STPG2: variants seen among roughly 807,000 people sequenced by gnomAD.
STPG2 encodes the protein sperm-tail PG-rich repeat-containing protein 2.
Under a neutral mutation model 54.2 loss-of-function variants are expected in STPG2, and 56 were observed. The observed-to-expected ratio is 1.03, with a 90% confidence interval of 0.83 to 1.29. STPG2 has a LOEUF of 1.29. STPG2 is among the 50% of genes most tolerant of loss of function. The probability of loss-of-function intolerance (pLI) is 0.00; values close to 1 mark genes in which losing one functional copy is unlikely to be tolerated. For missense variants in STPG2, 596 were observed against 544.9 expected, an observed-to-expected ratio of 1.09 and a Z score of -0.93; for synonymous variants, 200 against 181.8, an observed-to-expected ratio of 1.10 and a Z score of -0.81.
intron 8 of STPG2, among the ~76,000 whole-genome samples, chr4:97,874,135 A>G (rs1446533871): frequency 5.3e-5 from 8 of 151,802 alleles, no homozygotes; most frequent in East Asian, 1.9e-4. Context: ...AATTTTATCA[A>G]TCAAAATAAA....
chr4:97,756,062 TTCTC>T (rs930592409), intron 9 of STPG2, among the ~76,000 whole-genome samples: 168 of 151,846 alleles, frequency 1.1e-3, no homozygotes, highest in Non-Finnish European at 5.3e-4. Context: ...CCCTCCCTTC[TTCTC>T]TCTCTCTCTT....
chr4:98,132,856 C>A (rs1290271710), intron 2 of STPG2, among the ~76,000 whole-genome samples: 3 of 148,228 alleles, frequency 2.0e-5, no homozygotes, highest in Non-Finnish European at 4.5e-5. Flanking sequence ...TGCAAGAAAA[C>A]TGTTTTTAAA....
In STPG2 at chr4:97,616,047, AATACATAT is replaced by A. The variant is rs1217848642; in HGVS notation, c.1321-56938_1321-56931del. Among the ~76,000 whole-genome samples, 64 of 61,748 alleles carry A rather than the reference AATACATAT, an allele frequency of 1.0e-3. 1 individual carries two copies. The highest frequency in any genetic ancestry group is 3.9e-3 in the African/African-American group (58 of 14,974). The allele number at this position is 61,748 out of a possible 152,430, so 40.5% of individuals were successfully genotyped here. On this transcript the variant is annotated intron_variant, in intron 10 of 10. Transcript: ENST00000295268. ...GCAAGACTCTGTCTCAAAAAAAAAAAATACATATAAATATATATATATATATATATATA... is the reference window on the plus strand; with the variant it reads ...GCAAGACTCTGTCTCAAAAAAAAAAAAAATATATATATATATATATATATA...
chr4:97,879,897 T>C (rs1730309142), intron 8 of STPG2, among the ~76,000 whole-genome samples: 1 of 152,186 alleles, frequency 6.6e-6, no homozygotes, highest in African/African-American at 2.4e-5. Flanking sequence ...TTGAGGTTCC[T>C]CAAAACACTA....
At chr4:97,742,211 T>C (rs1267141090) in intron 9 of STPG2, among the ~76,000 whole-genome samples, 1 of 151,334 alleles carries the variant, frequency 6.6e-6, no homozygotes, top group African/African-American at 2.4e-5. Context: ...CTGGGGACTG[T>C]TGTGGGGTTG....
chr4:97,515,849 TAC>T (rs1046855033), intron 4 of STPG2, among the ~76,000 whole-genome samples: 23 of 152,102 alleles, frequency 1.5e-4, no homozygotes, highest in African/African-American at 5.1e-4. Context: ...TGTATATATG[TAC>T]ACACACACAG....
At chr4:97,601,523 T>G (rs1301405184) in intron 10 of STPG2, among the ~76,000 whole-genome samples, 1 of 151,978 alleles carries the variant, frequency 6.6e-6, no homozygotes, top group African/African-American at 2.4e-5. Flanking sequence ...GTGGTATAAC[T>G]CTCAAAGTCC....
chr4:97,787,020 T>A (rs1726848508), intron 9 of STPG2, among the ~76,000 whole-genome samples: 1 of 152,152 alleles, frequency 6.6e-6, no homozygotes, highest in Non-Finnish European at 1.5e-5. Context: ...CGTATCTTCC[T>A]GGATTAGAGG....
chr4:97,970,773 C>A (rs1201893164), intron 7 of STPG2, among the ~76,000 whole-genome samples: 1 of 152,154 alleles, frequency 6.6e-6, no homozygotes, highest in Non-Finnish European at 1.5e-5. Context: ...GTCTAAAACA[C>A]CAAAAGCAAT....
chr4:97,967,323 A>C (rs1734141468), intron 7 of STPG2, among the ~76,000 whole-genome samples: 2 of 152,152 alleles, frequency 1.3e-5, no homozygotes, highest in Non-Finnish European at 2.9e-5. Flanking sequence ...AACTACCCTA[A>C]ATATATATGC....
At chr4:98,045,084 C>T (rs1442584550) in intron 5 of STPG2, among the ~76,000 whole-genome samples, 1 of 149,004 alleles carries the variant, frequency 6.7e-6, no homozygotes, top group Non-Finnish European at 1.5e-5. Flanking sequence ...CACCTTCCTA[C>T]AGAGATGACT....
At chr4:97,601,905 T>A (rs1282522222) in intron 10 of STPG2, among the ~76,000 whole-genome samples, 2 of 151,936 alleles carry the variant, frequency 1.3e-5, no homozygotes, top group African/African-American at 4.8e-5. Context: ...ATCTTCCTAC[T>A]CATGAACATG....
At chr4:97,872,558 A>G (rs924446169) in intron 8 of STPG2, among the ~76,000 whole-genome samples, 1 of 151,354 alleles carries the variant, frequency 6.6e-6, no homozygotes, top group African/African-American at 2.4e-5. Context: ...AAGAATAAGT[A>G]TTCAAAAAAA....
intron 5 of STPG2, among the ~76,000 whole-genome samples, chr4:98,102,457 A>G (rs775772029): frequency 6.6e-6 from 1 of 152,170 alleles, no homozygotes; most frequent in South Asian, 2.1e-4. Flanking sequence ...GCCCCTTTAC[A>G]GAAAAAGCTT....
In STPG2 at chr4:97,972,582, G is replaced by A. The variant is rs957155669; in HGVS notation, c.773-142C>T. 1.9e-4 allele frequency: 92 copies of A among 488,928 alleles called. 1 individual carries two copies. Among genetic ancestry groups the A allele is most frequent in the Non-Finnish European group, 2.7e-4 (80 of 293,498 alleles). 30.3% of individuals were successfully genotyped at this position (488,928 alleles called of 1,614,324 possible). ...GGCATAAATGTAAAATGGCATAGTC[G>A]CATTTTAAAATTTGGTCAAATTTTT... On this transcript the variant is annotated intron_variant, in intron 6 of 10. Transcript: ENST00000295268.
intron 9 of STPG2, among the ~76,000 whole-genome samples, chr4:97,816,591 G>C (rs1727918277): frequency 6.6e-6 from 1 of 152,068 alleles, no homozygotes; most frequent in Non-Finnish European, 1.5e-5. Context: ...TATTTGAATT[G>C]GTAGACTGAG....
intron 10 of STPG2, among the ~76,000 whole-genome samples, chr4:97,606,133 G>A (rs1490118520): frequency 1.3e-5 from 2 of 151,850 alleles, no homozygotes; most frequent in African/African-American, 2.4e-5. Flanking sequence ...ATTTTTAAAT[G>A]TGTGCTTTTC....
In STPG2 at chr4:97,838,822, T is replaced by A. The variant is rs117827331; in HGVS notation, c.1204+1951A>T. On this transcript the variant is annotated intron_variant, in intron 9 of 10. Coordinates refer to ENST00000295268, the MANE Select transcript of STPG2 (RefSeq NM_174952.3). Reference sequence around the variant, plus strand: ...GTCAGAAGATACAAAATTTCATATATCATGGTATCAGATAATAGCTTCAGA... The same window carrying A: ...GTCAGAAGATACAAAATTTCATATAACATGGTATCAGATAATAGCTTCAGA... Among the ~76,000 whole-genome samples, 143 of 151,682 alleles carry A rather than the reference T, an allele frequency of 9.4e-4. No individual in the cohort carries two copies. The East Asian group carries it at 0.026, about 27-fold the overall frequency.
chr4:97,918,621 ATAC>A (rs1268708641), intron 8 of STPG2, among the ~76,000 whole-genome samples: 1 of 152,142 alleles, frequency 6.6e-6, no homozygotes, highest in Non-Finnish European at 1.5e-5. Flanking sequence ...ACACCATGGA[ATAC>A]TACTAAGCCA....
Sources: gnomAD v4.1 joint callset for allele counts (sites outside exome capture counted in the v4.1 genomes callset) on GRCh38, gnomAD v4.1.1 for gene constraint, MANE v1.5 for transcripts, NCBI Gene and HGNC (gene_info 2026-07-23, HGNC 2026-07-21) for gene names.